The following SPAG9 variants were observed in gnomAD, a reference collection of about 807,000 sequenced individuals.
SPAG9 encodes the protein C-Jun-amino-terminal kinase-interacting protein 4.
Under a neutral mutation model 166.5 loss-of-function variants are expected in SPAG9, and 35 were observed. The observed-to-expected ratio is 0.21, with a 90% CI of 0.16 to 0.28. SPAG9 has a LOEUF of 0.28. Among genes scored for constraint, SPAG9 ranks in the 10% least tolerant of loss-of-function variants. SPAG9 has a pLI of 1.00. For missense variants in SPAG9, 1,235 were observed against 1,603.3 expected (o/e 0.77, Z 3.92); for synonymous variants, 534 against 565.5 (o/e 0.94, Z 0.79).
At chr17:51,095,925 TGATATATATAGTGATATA>T (rs2048610937) in intron 1 of SPAG9, among the ~76,000 whole-genome samples, 4 of 133,090 alleles carry the variant, frequency 3.0e-5, no homozygotes, top group Non-Finnish European at 6.3e-5. Flanking sequence ...ATATATATAG[TGATATATATAGTGATATA>T]GTTATATATA....
At chr17:51,005,101 C>T in intron 12 of SPAG9, 111 bp downstream of exon 12, 1 of 903,518 alleles carries the variant, frequency 1.1e-6, no homozygotes, top group South Asian at 1.6e-5. Flanking sequence ...AACATGTCTC[C>T]TGACTTTTAA....
rs532963678 is a variant in SPAG9 at position 51,120,667 on chromosome 17, G to A, written c.-11C>T. 1.3e-6 allele frequency: 2 copies of A among 1,566,502 alleles called. No homozygotes were observed. The highest frequency in any genetic ancestry group is 1.2e-5 in the South Asian group (1 of 86,702). On this transcript the variant is annotated 5_prime_UTR_variant, in exon 1 of 30. Coordinates refer to ENST00000262013, the MANE Select transcript of SPAG9 (RefSeq NM_001130528.3). The surrounding 1 kb of genome is among the most constrained non-coding windows in gnomAD (Gnocchi z 4.7). ...GTCCTCCAGCTCCATGGTGGCAAGC[G>A]GACGGGCGGGCGGCCCGGGGCGTCG...
intron 3 of SPAG9, among the ~76,000 whole-genome samples, chr17:51,052,143 T>G (rs146959810): frequency 1.5e-3 from 222 of 152,318 alleles, no homozygotes; most frequent in Middle Eastern, 6.8e-3. Flanking sequence ...CAACAATGAA[T>G]GTGTTTCATA....
chr17:50,996,756 T>A, intron 15 of SPAG9, 62 bp from the exon 16 acceptor site: 1 of 1,542,462 alleles, frequency 6.5e-7, no homozygotes, highest in Non-Finnish European at 8.9e-7. Context: ...ATCCCCAGTT[T>A]TATCTCTCCT....
chr17:50,969,427 C>T (rs529368290), intron 29 of SPAG9, among the ~76,000 whole-genome samples: 2 of 152,298 alleles, frequency 1.3e-5, no homozygotes, highest in Admixed American at 6.5e-5. Flanking sequence ...TCTGTTCACA[C>T]TGTTACTACC....
chr17:51,070,084 CA>C lies in SPAG9; in HGVS notation c.424+9499del, dbSNP rs538358434. Among the ~76,000 whole-genome samples the C allele has an allele frequency of 3.0e-5, 4 of 133,034 alleles. No individual in the cohort carries two copies. In the East Asian group the frequency reaches 6.5e-4, roughly 21 times the overall value. 87.3% of individuals were successfully genotyped at this position (133,034 alleles called of 152,430 possible). A position where few individuals can be genotyped will look rare whatever the true frequency, so the allele number is the denominator to read the frequency against. On this transcript the variant is annotated intron_variant, in intron 2 of 29. Transcript: ENST00000262013. ...GACCCTCATCTCTTAAAAAAAAAAA[CA>C]AAAAAAAAACCTGTACTCCCCAAAA...
intron 13 of SPAG9, among the ~76,000 whole-genome samples, chr17:51,000,273 A>T (rs1272157812): frequency 2.6e-5 from 4 of 152,238 alleles, no homozygotes; most frequent in African/African-American, 9.6e-5. Context: ...TTGATTTATG[A>T]GGTGGTAGGG....
At chr17:50,984,876 G>T in intron 24 of SPAG9, 47 bp downstream of exon 24, 1 of 1,480,984 alleles carries the variant, frequency 6.8e-7, no homozygotes, top group Non-Finnish European at 9.4e-7. Context: ...AAAATGCTTT[G>T]CAAAGCAACA....
chr17:51,052,083 T>G (rs552620264), intron 3 of SPAG9, among the ~76,000 whole-genome samples: 1 of 152,188 alleles, frequency 6.6e-6, no homozygotes, highest in Non-Finnish European at 1.5e-5. Flanking sequence ...AATTTAAGAA[T>G]AGTTATTCTT....
intron 7 of SPAG9, 32 bp from the exon 8 acceptor site, chr17:51,020,290 C>T (rs773843939): frequency 3.6e-6 from 5 of 1,379,382 alleles, no homozygotes; most frequent in Non-Finnish European, 5.2e-6. Context: ...ATAAACAATA[C>T]ATATATTACA....
intron 24 of SPAG9, among the ~76,000 whole-genome samples, chr17:50,983,909 T>C (rs960829162): frequency 6.6e-6 from 1 of 152,150 alleles, no homozygotes; most frequent in Non-Finnish European, 1.5e-5. Context: ...TAACCAGCAA[T>C]TTTCAGGTAC....
intron 19 of SPAG9, among the ~76,000 whole-genome samples, chr17:50,993,155 A>G (rs1975754340): frequency 6.6e-6 from 1 of 151,590 alleles, no homozygotes; most frequent in Admixed American, 6.6e-5. Context: ...TCTCTAGTAA[A>G]AATGCAAACA....
chr17:50,993,957 A>G, intron 18 of SPAG9, 22 bp from the exon 19 acceptor site: 6 of 1,605,340 alleles, frequency 3.7e-6, no homozygotes, highest in Non-Finnish European at 5.1e-6. Context: ...AAGGAGGAAA[A>G]ATGTTTAAAA....
In SPAG9 at chr17:50,964,608, T is replaced by C; in HGVS notation, c.*1664A>G. ...GTCTCAAAAAAAAAAAAAAAAATCA[T>C]ATTTAGCTTTGCCTAGAGTAATAGA... On this transcript the variant is annotated 3_prime_UTR_variant, in exon 30 of 30. Transcript: ENST00000262013. 8.5e-6 allele frequency: 2 copies of C among 234,904 alleles called. No homozygotes were observed. The highest frequency in any genetic ancestry group is 7.1e-5 in the South Asian group (2 of 28,166). The allele number at this position is 234,904 out of a possible 1,614,324, so 14.6% of individuals were successfully genotyped here.
intron 3 of SPAG9, among the ~76,000 whole-genome samples, chr17:51,053,599 C>T (rs1355824000): frequency 2.0e-5 from 3 of 151,380 alleles, no homozygotes; most frequent in Non-Finnish European, 2.9e-5. Context: ...GCAGGAGAAT[C>T]GCTTGAACCC....
At chr17:51,067,662 A>T (rs2144579608) in intron 2 of SPAG9, among the ~76,000 whole-genome samples, 1 of 152,248 alleles carries the variant, frequency 6.6e-6, no homozygotes, top group South Asian at 2.1e-4. Context: ...TCCCAAAACA[A>T]CTGATAAGTA....
At chr17:51,021,706 AACATT>A (rs1448670484) in intron 6 of SPAG9, among the ~76,000 whole-genome samples, 1 of 152,232 alleles carries the variant, frequency 6.6e-6, no homozygotes, top group Non-Finnish European at 1.5e-5. Context: ...CCTACTTTAG[AACATT>A]TAGAACACAT....
chr17:51,082,473 T>C (rs186088556), intron 1 of SPAG9, among the ~76,000 whole-genome samples: 8 of 151,004 alleles, frequency 5.3e-5, no homozygotes, highest in African/African-American at 1.2e-4. Flanking sequence ...TCATCCAACA[T>C]GCTATTTTAG....
At chr17:51,086,767 CAA>C (rs2048318415) in intron 1 of SPAG9, among the ~76,000 whole-genome samples, 1 of 151,868 alleles carries the variant, frequency 6.6e-6, no homozygotes, top group South Asian at 2.1e-4. Flanking sequence ...ACTAAAAACA[CAA>C]AAGTTAGCTG....
Sources: gnomAD v4.1 joint callset for allele counts (sites outside exome capture counted in the v4.1 genomes callset) on GRCh38, gnomAD v4.1.1 for gene constraint, Gnocchi (gnomAD v3.1) non-coding constraint, MANE v1.5 for transcripts, NCBI Gene and HGNC (gene_info 2026-07-23, HGNC 2026-07-21) for gene names.